Variants in FRMD6 observed in about 807,000 individuals in gnomAD.
FRMD6 encodes the protein FERM domain containing 6.
In FRMD6, 37 loss-of-function variants were observed where a neutral mutation model predicts 73.2. That is an observed-to-expected ratio of 0.51 (90% CI 0.39 to 0.66). FRMD6 has a LOEUF of 0.66. Ranked by LOEUF, FRMD6 falls within the 30% of genes least tolerant of loss-of-function variation. The pLI, the probability that FRMD6 is intolerant of heterozygous loss-of-function variation, is 0.00. For synonymous variants in FRMD6, 273 were observed against 282.2 expected (o/e 0.97, Z 0.33); for missense variants, 714 against 780.5 (o/e 0.91, Z 1.02).
chr14:51,415,580 T>C, the FRMD6 span, among the ~76,000 whole-genome samples: 1 of 152,234 alleles, frequency 6.6e-6, no homozygotes, highest in Non-Finnish European at 1.5e-5. Flanking sequence ...GATTTTTGCA[T>C]TGATGTTCAT....
In FRMD6 at chr14:51,721,732, G is replaced by GAGGA. The variant is rs1566598354; in HGVS notation, c.1361-214_1361-213insAAGG. ...GAAGGAAGGAAGGGAGGGAGGAAGG[G>GAGGA]AGGGAGGAAGGAAGGGAGGAAGGAA... On this transcript the variant is annotated intron_variant, in intron 11 of 13. Coordinates refer to ENST00000344768, the MANE Select transcript of FRMD6 (RefSeq NM_001267046.2). 1.5e-4 allele frequency among the ~76,000 whole-genome samples: 17 copies of GAGGA among 111,888 alleles called. 1 individual carries two copies. Among genetic ancestry groups the GAGGA allele is most frequent in the African/African-American group, 5.6e-4 (16 of 28,340 alleles). The allele number at this position is 111,888 out of a possible 152,430, so 73.4% of individuals were successfully genotyped here. A position where few individuals can be genotyped will look rare whatever the true frequency, so the allele number is the denominator to read the frequency against.
chr14:51,464,377 CT>C, the FRMD6 span, among the ~76,000 whole-genome samples: 2 of 148,766 alleles, frequency 1.3e-5, no homozygotes, highest in Non-Finnish European at 3.0e-5. Flanking sequence ...ACAGGTACCC[CT>C]GAACTTAAAA....
chr14:51,613,444 T>C (rs532507086), intron 2 of FRMD6, among the ~76,000 whole-genome samples: 1 of 152,272 alleles, frequency 6.6e-6, no homozygotes, highest in African/African-American at 2.4e-5. Context: ...AGGTGAAGAA[T>C]CCAAGAAGAC....
At chr14:51,637,214 C>A (rs1393195948) in intron 2 of FRMD6, 1 of 151,910 alleles carries the variant, frequency 6.6e-6, no homozygotes, top group Non-Finnish European at 1.5e-5. Context: ...GGAGCGTGAC[C>A]CTGTCTCAAA....
chr14:51,565,184 G>A (rs1046740896), intron 1 of FRMD6: 1 of 152,242 alleles, frequency 6.6e-6, no homozygotes, highest in African/African-American at 2.4e-5. Context: ...GAAGATGAAA[G>A]TTCTTGACAC....
At chr14:51,464,954 A>G in the FRMD6 span, among the ~76,000 whole-genome samples, 8 of 152,344 alleles carry the variant, frequency 5.3e-5, no homozygotes, top group East Asian at 1.5e-3. Context: ...CTGCTAGATC[A>G]ACAATCTATG....
At chr14:51,440,727 T>C in the FRMD6 span, among the ~76,000 whole-genome samples, 1 of 152,014 alleles carries the variant, frequency 6.6e-6, no homozygotes, top group African/African-American at 2.4e-5. Flanking sequence ...AGAGAAGCAA[T>C]AGTTGCCAAC....
intron 2 of FRMD6, among the ~76,000 whole-genome samples, chr14:51,606,602 A>G (rs1280522889): frequency 6.6e-6 from 1 of 152,170 alleles, no homozygotes; most frequent in Non-Finnish European, 1.5e-5. Flanking sequence ...GAGTGTCTGA[A>G]ATGAATGCTG....
intron 1 of FRMD6, among the ~76,000 whole-genome samples, chr14:51,492,534 T>C (rs1365267463): frequency 6.6e-6 from 1 of 152,210 alleles, no homozygotes; most frequent in African/African-American, 2.4e-5. Flanking sequence ...TCTTAGAAAC[T>C]ATTTTTATTG....
the FRMD6 span, among the ~76,000 whole-genome samples, chr14:51,458,554 T>A: frequency 6.6e-6 from 1 of 152,244 alleles, no homozygotes; most frequent in African/African-American, 2.4e-5. Context: ...ATACTATCTC[T>A]ACAGACCATT....
chr14:51,725,046 C>A (rs1897871806), intron 12 of FRMD6, among the ~76,000 whole-genome samples: 1 of 152,194 alleles, frequency 6.6e-6, no homozygotes, highest in African/African-American at 2.4e-5. Flanking sequence ...CCCAGTTTGT[C>A]TCCTCCCAGG....
intron 9 of FRMD6, chr14:51,713,572 A>G (rs1043145774): frequency 4.6e-5 from 7 of 152,154 alleles, no homozygotes; most frequent in African/African-American, 1.7e-4. Context: ...TGTAAGAAAG[A>G]TGGCCTATGT....
chr14:51,463,225 T>C, the FRMD6 span, among the ~76,000 whole-genome samples: 41 of 152,324 alleles, frequency 2.7e-4, no homozygotes, highest in East Asian at 2.7e-3. Flanking sequence ...TGACTGAAAG[T>C]ATTTGCTTTT....
intron 1 of FRMD6, among the ~76,000 whole-genome samples, chr14:51,564,624 T>C (rs1477136419): frequency 2.0e-5 from 3 of 152,098 alleles, no homozygotes; most frequent in African/African-American, 7.2e-5. Flanking sequence ...TAATTAACAA[T>C]CCTCTTCTGA....
intron 1 of FRMD6, among the ~76,000 whole-genome samples, chr14:51,529,637 T>C (rs749206652): frequency 1.8e-4 from 28 of 152,172 alleles, no homozygotes; most frequent in Non-Finnish European, 4.1e-4. Context: ...AAGTAGTAAA[T>C]ATAAAATTGG....
At chr14:51,475,787 A>G in the FRMD6 span, among the ~76,000 whole-genome samples, 1 of 152,222 alleles carries the variant, frequency 6.6e-6, no homozygotes, top group South Asian at 2.1e-4. Flanking sequence ...TGCTCATGAA[A>G]TTACATGAAA....
At chr14:51,525,847 G>A (rs1436122531) in intron 1 of FRMD6, among the ~76,000 whole-genome samples, 3 of 152,160 alleles carry the variant, frequency 2.0e-5, no homozygotes, top group Non-Finnish European at 4.4e-5. Flanking sequence ...CACTTGAGGG[G>A]GTCCACTGTG....
chr14:51,706,492 C>T (rs1896629114), intron 6 of FRMD6, among the ~76,000 whole-genome samples: 1 of 152,116 alleles, frequency 6.6e-6, no homozygotes, highest in Non-Finnish European at 1.5e-5. Context: ...ATTCCAGCTT[C>T]CTTTCTGGTT....
chr14:51,453,048 A>G, the FRMD6 span, among the ~76,000 whole-genome samples: 4 of 152,178 alleles, frequency 2.6e-5, no homozygotes, highest in Non-Finnish European at 5.9e-5. Flanking sequence ...AAAGGGAACA[A>G]GAGAGATAAA....
Sources: allele counts gnomAD v4.1 joint callset (sites outside exome capture counted in the v4.1 genomes callset), GRCh38; gene constraint gnomAD v4.1.1; transcripts MANE v1.5; gene names NCBI Gene and HGNC (gene_info 2026-07-23, HGNC 2026-07-21).